Variants in PDE4B observed in about 807,000 individuals in gnomAD.
PDE4B encodes the protein phosphodiesterase 4B.
PDE4B carries 20 observed loss-of-function variants against 82.2 expected under a neutral mutation model. The observed-to-expected ratio is 0.24, with a 90% CI of 0.17 to 0.35. The LOEUF is 0.35. Ranked by LOEUF, PDE4B falls within the 10% of genes least tolerant of loss-of-function variation. PDE4B has a pLI of 1.00. For synonymous variants in PDE4B, 320 were observed against 318.9 expected (o/e 1.00, Z -0.04); for missense variants, 655 against 907.2 (o/e 0.72, Z 3.57).
At chr1:66,143,963 C>T (rs1336847376) in intron 3 of PDE4B, among the ~76,000 whole-genome samples, 2 of 152,210 alleles carry the variant, frequency 1.3e-5, no homozygotes, top group Non-Finnish European at 2.9e-5. Flanking sequence ...TCTGCCTACC[C>T]CAGACTCCTT....
chr1:65,812,069 A>C (rs538107335), intron 1 of PDE4B, among the ~76,000 whole-genome samples: 1 of 152,320 alleles, frequency 6.6e-6, no homozygotes, highest in African/African-American at 2.4e-5. Context: ...ATTTCACTAA[A>C]GAAGTTTTAA....
intron 3 of PDE4B, among the ~76,000 whole-genome samples, chr1:66,035,136 G>A (rs1653996246): frequency 6.6e-6 from 1 of 151,954 alleles, no homozygotes; most frequent in Non-Finnish European, 1.5e-5. Context: ...AGAGTCAATG[G>A]CAAAAATAAA....
chr1:66,304,273 G>C (rs557813735), intron 7 of PDE4B, among the ~76,000 whole-genome samples: 85 of 152,220 alleles, frequency 5.6e-4, no homozygotes, highest in African/African-American at 2.0e-3. Flanking sequence ...AGCAGTCATA[G>C]GCAATATAAA....
At chr1:65,920,190 TA>T (rs1647211082) in intron 3 of PDE4B, among the ~76,000 whole-genome samples, 1 of 152,236 alleles carries the variant, frequency 6.6e-6, no homozygotes, top group African/African-American at 2.4e-5. Context: ...TTGGCAGTGA[TA>T]CAATTCTATC....
intron 8 of PDE4B, among the ~76,000 whole-genome samples, chr1:66,353,437 A>C (rs927345267): frequency 6.6e-6 from 1 of 152,222 alleles, no homozygotes; most frequent in South Asian, 2.1e-4. Context: ...GGATGCTTGA[A>C]ATAAAGCTAT....
At chr1:66,292,982 T>C (rs1657205095) in intron 7 of PDE4B, among the ~76,000 whole-genome samples, 2 of 152,158 alleles carry the variant, frequency 1.3e-5, no homozygotes, top group East Asian at 1.9e-4. Context: ...CCAGCTGTAA[T>C]AGCCTGGTGA....
At chr1:66,267,310 G>C (rs936292448) in intron 7 of PDE4B, 1 of 152,138 alleles carries the variant, frequency 6.6e-6, no homozygotes, top group Non-Finnish European at 1.5e-5. Context: ...TTTATAAAAA[G>C]AAACAAAATA....
At chr1:66,126,823 C>A (rs1307698753) in intron 3 of PDE4B, among the ~76,000 whole-genome samples, 2 of 152,290 alleles carry the variant, frequency 1.3e-5, no homozygotes, top group East Asian at 3.9e-4. Context: ...AATGGAGACA[C>A]CAAGCAGATT....
intron 3 of PDE4B, among the ~76,000 whole-genome samples, chr1:65,948,236 G>A (rs1314955197): frequency 1.3e-5 from 2 of 151,674 alleles, no homozygotes; most frequent in African/African-American, 4.8e-5. Flanking sequence ...TTGGACTCCG[G>A]TTGCTAGTTG....
chr1:66,027,446 G>A (rs1653509547), intron 3 of PDE4B, among the ~76,000 whole-genome samples: 1 of 152,062 alleles, frequency 6.6e-6, no homozygotes, highest in Admixed American at 6.6e-5. Flanking sequence ...TTCAGACACA[G>A]CCAAACCATA....
chr1:66,257,461 A>AT, intron 4 of PDE4B, 186 bp from the exon 5 acceptor site: 2 of 772,388 alleles, frequency 2.6e-6, no homozygotes, highest in Non-Finnish European at 4.8e-6. Flanking sequence ...TCTAGTACTA[A>AT]TTTTTTCCTT....
chr1:66,240,120 T>A (rs1652776144), intron 3 of PDE4B, among the ~76,000 whole-genome samples: 1 of 152,198 alleles, frequency 6.6e-6, no homozygotes, highest in Non-Finnish European at 1.5e-5. Flanking sequence ...GAGCTAACTT[T>A]TAGGGGTTGA....
chr1:66,177,370 G>A (rs1570404651), intron 3 of PDE4B, among the ~76,000 whole-genome samples: 1 of 152,312 alleles, frequency 6.6e-6, no homozygotes, highest in Non-Finnish European at 1.5e-5. Flanking sequence ...AGGGCTCAAT[G>A]AATACTTGTG....
intron 1 of PDE4B, among the ~76,000 whole-genome samples, chr1:65,809,769 G>C (rs1275781804): frequency 6.6e-6 from 1 of 152,202 alleles, no homozygotes; most frequent in Non-Finnish European, 1.5e-5. Context: ...TAGGAAGTCA[G>C]TCACTGAATG....
At chr1:66,009,934 TATCTATCTATCTATCTATC>T (rs1013763912) in intron 3 of PDE4B, among the ~76,000 whole-genome samples, 1 of 147,550 alleles carries the variant, frequency 6.8e-6, no homozygotes, top group African/African-American at 2.7e-5. Flanking sequence ...TCTATCTATC[TATCTATCTATCTATCTATC>T]ATCTATCTAT....
chr1:66,044,602 G>A (rs11208788), intron 3 of PDE4B, among the ~76,000 whole-genome samples: 12,496 of 151,610 alleles, frequency 0.082, 966 homozygotes, highest in East Asian at 0.26. Flanking sequence ...GACTCACGAC[G>A]AGCACAGAAA....
intron 3 of PDE4B, among the ~76,000 whole-genome samples, chr1:66,204,019 G>A (rs1365558302): frequency 2.0e-5 from 3 of 152,174 alleles, no homozygotes; most frequent in Non-Finnish European, 4.4e-5. Context: ...GTACAGATGG[G>A]TTTTTAGTGT....
intron 7 of PDE4B, among the ~76,000 whole-genome samples, chr1:66,283,363 A>G (rs764712355): frequency 1.5e-4 from 22 of 151,636 alleles, no homozygotes; most frequent in African/African-American, 3.1e-4. Flanking sequence ...TTATATATAT[A>G]TGTGTATATA....
chr1:65,949,614 T>C (rs1648890957), intron 3 of PDE4B, among the ~76,000 whole-genome samples: 1 of 152,124 alleles, frequency 6.6e-6, no homozygotes, highest in Admixed American at 6.6e-5. Context: ...TTTAGGCATA[T>C]AATTTCTTTT....
Sources: gnomAD v4.1 joint callset for allele counts (sites outside exome capture counted in the v4.1 genomes callset) on GRCh38, gnomAD v4.1.1 for gene constraint, MANE v1.5 for transcripts, NCBI Gene and HGNC (gene_info 2026-07-23, HGNC 2026-07-21) for gene names.